The following PLCZ1 variants were observed in gnomAD, a reference collection of about 807,000 sequenced individuals.
The protein encoded by PLCZ1 is phospholipase C zeta 1.
Under a neutral mutation model 76.8 loss-of-function variants are expected in PLCZ1, and 64 were observed. The ratio of observed to expected loss-of-function variants is 0.83; its 90% CI spans 0.68 to 1.03. The LOEUF (loss-of-function observed/expected upper bound fraction) is 1.03, where lower values mean the gene tolerates loss of function less well. Among genes scored for constraint, PLCZ1 ranks in the 50% least tolerant of loss-of-function variants. The pLI is 0.00. For missense variants in PLCZ1, 751 were observed against 713.7 expected, an observed-to-expected ratio of 1.05 and a Z score of -0.60; for synonymous variants, 248 against 230.8, an observed-to-expected ratio of 1.07 and a Z score of -0.68.
intron 10 of PLCZ1, among the ~76,000 whole-genome samples, chr12:18,698,864 T>C (rs1360748898): frequency 2.6e-5 from 4 of 152,116 alleles, no homozygotes; most frequent in Non-Finnish European, 5.9e-5. Flanking sequence ...TCAAATACTA[T>C]GTCTTATTCA....
At chr12:18,701,845 A>G in intron 7 of PLCZ1, 69 bp from the exon 8 acceptor site, 4 of 1,537,198 alleles carry the variant, frequency 2.6e-6, no homozygotes, top group South Asian at 1.2e-5. Context: ...AGTCACTGAA[A>G]AGTGTTTCAC....
At position 18,736,331 on chromosome 12, in the gene PLCZ1, T is replaced by C. The variant is rs1351205340; in HGVS notation, c.25A>G (p.Lys9Glu). Residue 9 changes from lysine to glutamate, a missense_variant, in exon 3 of 15, where the codon AAG becomes GAG. Lys to Glu is a moderately conservative substitution (Grantham distance 56). Transcript: ENST00000266505. MEMRWFLS[K>E]IQDDFRGGKI... is the part of the protein sequence containing the mutation. ...CCACCTCTGAAGTCATCCTGAATCT[T>C]TGACAAAAACCATGTAGAAGCACAA... 3 of 1,612,204 alleles carry C rather than the reference T, an allele frequency of 1.9e-6. No individual in the cohort carries two copies. Among genetic ancestry groups the C allele is most frequent in the South Asian group, 1.1e-5 (1 of 90,980 alleles).
intron 9 of PLCZ1, 65 bp downstream of exon 9, chr12:18,701,435 AT>A (rs1489807889): frequency 1.9e-6 from 3 of 1,606,034 alleles, no homozygotes; most frequent in Non-Finnish European, 2.5e-6. Flanking sequence ...TTTTAAAAAA[AT>A]CTCCAAGAAT....
chr12:18,725,500 A>G (rs1334368765), intron 3 of PLCZ1, among the ~76,000 whole-genome samples: 1 of 152,136 alleles, frequency 6.6e-6, no homozygotes, highest in Non-Finnish European at 1.5e-5. Context: ...AAGTCAGTAT[A>G]CCATTACACA....
the PLCZ1 span, chr12:18,647,822 GA>G: frequency 9.4e-7 from 1 of 1,069,246 alleles, no homozygotes; most frequent in Admixed American, 3.4e-5. Context: ...ACTCAAAAAA[GA>G]GATGTATTTA....
intron 4 of PLCZ1, among the ~76,000 whole-genome samples, chr12:18,720,312 G>C (rs542599938): frequency 6.6e-6 from 1 of 151,784 alleles, no homozygotes; most frequent in South Asian, 2.1e-4. Flanking sequence ...TACAAATTGT[G>C]CTGCCAAAAA....
chr12:18,726,275 A>G (rs190739273), intron 3 of PLCZ1, among the ~76,000 whole-genome samples: 1 of 152,302 alleles, frequency 6.6e-6, no homozygotes, highest in Admixed American at 6.5e-5. Flanking sequence ...GTTTCGTATT[A>G]ATCATTAAAC....
At chr12:18,689,322 A>C (rs1231078186) in intron 12 of PLCZ1, among the ~76,000 whole-genome samples, 1 of 152,212 alleles carries the variant, frequency 6.6e-6, no homozygotes, top group African/African-American at 2.4e-5. Context: ...TTGAATATGA[A>C]AACTGAATGA....
chr12:18,709,084 T>C (rs1956986455), intron 6 of PLCZ1, among the ~76,000 whole-genome samples: 1 of 152,162 alleles, frequency 6.6e-6, no homozygotes, highest in South Asian at 2.1e-4. Flanking sequence ...AAAATAATAA[T>C]TGCCAAAGTC....
chr12:18,718,874 G>A (rs1303267857), intron 5 of PLCZ1, among the ~76,000 whole-genome samples: 1 of 152,034 alleles, frequency 6.6e-6, no homozygotes, highest in Non-Finnish European at 1.5e-5. Context: ...CTGAAGTCTG[G>A]TATTAACAGT....
chr12:18,727,903 G>GT (rs1192875550), intron 3 of PLCZ1, among the ~76,000 whole-genome samples: 2 of 152,162 alleles, frequency 1.3e-5, no homozygotes, highest in East Asian at 3.9e-4. Flanking sequence ...ACAATAAGTA[G>GT]TAAGTAGTTC....
rs556956992 is a variant in PLCZ1, at chr12:18,688,755, C to T, written c.1462-537G>A. Among the ~76,000 whole-genome samples, 54 of 151,974 alleles carry T rather than the reference C, an allele frequency of 3.6e-4. No homozygotes were observed. In the South Asian group the frequency reaches 0.011, roughly 31 times the overall value. On this transcript the variant is annotated intron_variant, in intron 12 of 14. Transcript: ENST00000266505. ...TGTATTTAAACTTGTATTTGCCAAG[C>T]TAATTGTTGAAGCAAAAATGTGTTA...
At chr12:18,724,079 T>C (rs1266249195) in intron 3 of PLCZ1, among the ~76,000 whole-genome samples, 1 of 152,120 alleles carries the variant, frequency 6.6e-6, no homozygotes, top group African/African-American at 2.4e-5. Context: ...ATTTGAACTT[T>C]ACGAGAAAAG....
At chr12:18,690,940 T>C (rs1419834655) in intron 12 of PLCZ1, among the ~76,000 whole-genome samples, 1 of 152,062 alleles carries the variant, frequency 6.6e-6, no homozygotes, top group African/African-American at 2.4e-5. Flanking sequence ...CAAATAAATA[T>C]TACGTATGCA....
chr12:18,693,370 A>C, intron 12 of PLCZ1: 2 of 1,603,674 alleles, frequency 1.2e-6, no homozygotes, highest in Non-Finnish European at 1.7e-6. Flanking sequence ...CGGGAAATTA[A>C]GGAATCTGTG....
At chr12:18,661,179 C>T in the PLCZ1 span, among the ~76,000 whole-genome samples, 1 of 151,902 alleles carries the variant, frequency 6.6e-6, no homozygotes, top group Non-Finnish European at 1.5e-5. Context: ...TGAAGCAGAC[C>T]AACATATCCA....
the PLCZ1 span, among the ~76,000 whole-genome samples, chr12:18,650,781 A>G: frequency 3.7e-4 from 48 of 128,858 alleles, 1 homozygote; most frequent in African/African-American, 1.3e-3. Flanking sequence ...TCCATCAGGA[A>G]GTCCTGTTGG....
chr12:18,723,534 G>T lies in PLCZ1; in HGVS notation c.144C>A (p.Asp48Glu). The T allele has an allele frequency of 6.2e-7, 1 of 1,611,456 alleles. No individual in the cohort carries two copies. The highest frequency in any genetic ancestry group is 8.5e-7 in the Non-Finnish European group (1 of 1,178,902). The change falls in exon 4 of 15, where the codon GAC becomes GAA. Residue 48 changes from aspartate (D) to glutamate (E), a missense_variant. Physicochemically the swap from Asp to Glu is conservative, Grantham distance 45. Transcript: ENST00000266505. Reference protein sequence around the residue: ...IHVKQIFKDNDRLKQGRITIE... With the variant: ...IHVKQIFKDNERLKQGRITIE... ...TGGTGATTCTTCCTTGTTTCAGCCTGTCATTGTCCTACTAAAAAAATGACT... is the reference window on the plus strand; with the variant it reads ...TGGTGATTCTTCCTTGTTTCAGCCTTTCATTGTCCTACTAAAAAAATGACT...
chr12:18,658,724 T>C, the PLCZ1 span, among the ~76,000 whole-genome samples: 1 of 152,132 alleles, frequency 6.6e-6, no homozygotes, highest in African/African-American at 2.4e-5. Context: ...GTTATGCATA[T>C]AAATTCTTTT....
Sources: allele counts gnomAD v4.1 joint callset (sites outside exome capture counted in the v4.1 genomes callset), GRCh38; gene constraint gnomAD v4.1.1; transcripts MANE v1.5; gene names NCBI Gene and HGNC (gene_info 2026-07-23, HGNC 2026-07-21).